The following MTAP variants were observed in gnomAD, a reference collection of about 807,000 sequenced individuals.
The protein encoded by MTAP is methylthioadenosine phosphorylase.
In MTAP, 33 loss-of-function variants were observed where a neutral mutation model predicts 33.6. The ratio of observed to expected loss-of-function variants is 0.98; its 90% CI spans 0.74 to 1.31. The LOEUF (loss-of-function observed/expected upper bound fraction) is 1.31. Ranked by LOEUF, MTAP falls within the 40% of genes most tolerant of loss-of-function variation. The probability of loss-of-function intolerance (pLI) is 0.00; values close to 1 mark genes in which losing one functional copy is unlikely to be tolerated. For synonymous variants in MTAP, 148 were observed against 125.7 expected (o/e 1.18, Z -1.19); for missense variants, 367 against 360.0 (o/e 1.02, Z -0.16).
At chr9:21,817,702 G>C (rs1242882595) in intron 3 of MTAP, among the ~76,000 whole-genome samples, 1 of 152,036 alleles carries the variant, frequency 6.6e-6, no homozygotes, top group Admixed American at 6.5e-5. Flanking sequence ...TTGCAAGGTA[G>C]AGCCTAATCG....
At chr9:21,906,560 C>T (rs1176970069) in intron 1 of MTAP, among the ~76,000 whole-genome samples, 1 of 151,692 alleles carries the variant, frequency 6.6e-6, no homozygotes, top group East Asian at 1.9e-4. Flanking sequence ...GAGGGCCAGA[C>T]AGAAAGAACA....
rs182912395 is a variant in MTAP, at chr9:21,844,394, C to T, written c.450+6384C>T. The stretch of plus-strand genomic sequence containing the variant: ...ATTCATTCTGTGAAGCCAGTATCCC[C>T]CTAATTACAAAATCAGAAAAGAACA... On this transcript the variant is annotated intron_variant, in intron 5 of 7. Coordinates refer to ENST00000644715, the MANE Select transcript of MTAP (RefSeq NM_002451.4). 1.1e-4 allele frequency among the ~76,000 whole-genome samples: 16 copies of T among 152,188 alleles called. No individual in the cohort carries two copies. The East Asian group carries it at 2.7e-3, about 26-fold the overall frequency.
At position 21,854,627 on chromosome 9, in the gene MTAP, C is replaced by T; in HGVS notation, c.451-4C>T. The T allele has an allele frequency of 6.5e-7, 1 of 1,534,970 alleles. No homozygotes were observed. The highest frequency in any genetic ancestry group is 1.3e-5 in the South Asian group (1 of 77,922). On this transcript the variant is annotated splice_polypyrimidine_tract_variant and splice_region_variant and intron_variant, in intron 5 of 7. Coordinates refer to ENST00000644715, the MANE Select transcript of MTAP (RefSeq NM_002451.4). ...TTTTGAAGTTTCTGGTTTTTCTTTT[C>T]TAGGTTCTTATAGAGACTGCTAAGA...
At chr9:21,917,454 G>A (rs1393175530) in intron 1 of MTAP, among the ~76,000 whole-genome samples, 1 of 152,110 alleles carries the variant, frequency 6.6e-6, no homozygotes, top group Non-Finnish European at 1.5e-5. Flanking sequence ...AGACTAGAAG[G>A]GAGCAACTGG....
At chr9:21,812,312 T>A in intron 1 of MTAP, 1 of 201,148 alleles carries the variant, frequency 5.0e-6, no homozygotes, top group South Asian at 1.0e-4. Flanking sequence ...GCTTTAGGGT[T>A]CTGAGGCAGA....
At chr9:21,893,486 A>T (rs904856174) in intron 1 of MTAP, 2 of 152,208 alleles carry the variant, frequency 1.3e-5, no homozygotes, top group African/African-American at 4.8e-5. Flanking sequence ...GAAAAAATAA[A>T]TAAGATTGAA....
At chr9:21,826,667 A>G (rs1335217306) in intron 4 of MTAP, among the ~76,000 whole-genome samples, 3 of 150,560 alleles carry the variant, frequency 2.0e-5, no homozygotes. Context: ...CACAAGTAAT[A>G]TATATTGTTC....
At chr9:21,882,477 TG>T (rs1323441548) in intron 1 of MTAP, among the ~76,000 whole-genome samples, 6 of 152,064 alleles carry the variant, frequency 3.9e-5, no homozygotes, top group Non-Finnish European at 8.8e-5. Context: ...GCAATATTCT[TG>T]TAACTGATCT....
chr9:21,897,194 A>G (rs1818310300), intron 1 of MTAP, among the ~76,000 whole-genome samples: 1 of 152,248 alleles, frequency 6.6e-6, no homozygotes, highest in Non-Finnish European at 1.5e-5. Context: ...TTCATGCTAA[A>G]AACTCTCCAT....
intron 1 of MTAP, among the ~76,000 whole-genome samples, chr9:21,908,775 G>C (rs1818516412): frequency 6.7e-6 from 1 of 148,442 alleles, no homozygotes. Context: ...GTGTTTTTGA[G>C]CATATGTCTT....
Position 21,862,210 on chromosome 9 carries a change from A to G in MTAP, c.*196A>G, listed in dbSNP as rs1299392254. ...GATTTAGACAACTTCAAAATACAGA[A>G]GAAAAGCAAATGACTAGTAAACATG... On this transcript the variant is annotated 3_prime_UTR_variant, in exon 8 of 8. Coordinates refer to ENST00000644715, the MANE Select transcript of MTAP (RefSeq NM_002451.4). The G allele has an allele frequency of 2.3e-6, 3 of 1,320,710 alleles. No individual in the cohort carries two copies. The highest frequency in any genetic ancestry group is 7.1e-5 in the Admixed American group (2 of 28,292). 81.8% of individuals were successfully genotyped at this position (1,320,710 alleles called of 1,614,324 possible).
At chr9:21,886,784 C>T (rs145530254) in intron 1 of MTAP, among the ~76,000 whole-genome samples, 4 of 152,260 alleles carry the variant, frequency 2.6e-5, no homozygotes, top group Admixed American at 6.5e-5. Flanking sequence ...TATTCTGTTC[C>T]GTTGGCGTAT....
At chr9:21,855,313 A>T (rs1390477112) in intron 6 of MTAP, among the ~76,000 whole-genome samples, 1 of 152,244 alleles carries the variant, frequency 6.6e-6, no homozygotes, top group East Asian at 1.9e-4. Flanking sequence ...GTGACAACAA[A>T]CAGAGAAGTC....
intron 1 of MTAP, among the ~76,000 whole-genome samples, chr9:21,874,555 A>C (rs973441315): frequency 2.0e-4 from 31 of 151,946 alleles, no homozygotes; most frequent in African/African-American, 7.3e-4. Context: ...AGAGACTTTG[A>C]TTGGTTGTTT....
At chr9:21,857,507 A>G (rs1182814819) in intron 6 of MTAP, among the ~76,000 whole-genome samples, 1 of 152,198 alleles carries the variant, frequency 6.6e-6, no homozygotes, top group African/African-American at 2.4e-5. Flanking sequence ...ATTTCTTCGA[A>G]GCATAGGAAG....
At chr9:21,875,968 G>C (rs1168048165) in intron 1 of MTAP, among the ~76,000 whole-genome samples, 1 of 152,080 alleles carries the variant, frequency 6.6e-6, no homozygotes, top group Non-Finnish European at 1.5e-5. Flanking sequence ...TCCCACAATG[G>C]TTAAACTAAT....
intron 1 of MTAP, among the ~76,000 whole-genome samples, chr9:21,900,497 A>G (rs1267113959): frequency 1.3e-5 from 2 of 152,240 alleles, no homozygotes; most frequent in East Asian, 1.9e-4. Flanking sequence ...AATGGCTACT[A>G]TTAAAAAGCC....
intron 1 of MTAP, among the ~76,000 whole-genome samples, chr9:21,907,665 G>A (rs1471841749): frequency 6.8e-6 from 1 of 146,186 alleles, no homozygotes; most frequent in African/African-American, 2.5e-5. Context: ...AATAATACCT[G>A]TGTGGGTGTT....
downstream of MTAP, among the ~76,000 whole-genome samples, chr9:21,870,933 G>A (rs917665959): frequency 7.9e-5 from 12 of 151,740 alleles, no homozygotes; most frequent in Non-Finnish European, 1.6e-4. Context: ...ACCATGCCCA[G>A]CTAATTTTTA....
Sources: gnomAD v4.1 joint callset for allele counts (sites outside exome capture counted in the v4.1 genomes callset) on GRCh38, gnomAD v4.1.1 for gene constraint, MANE v1.5 for transcripts, NCBI Gene and HGNC (gene_info 2026-07-23, HGNC 2026-07-21) for gene names.